The following SUPT3H variants were observed in gnomAD, a reference collection of about 807,000 sequenced individuals.
The protein encoded by SUPT3H is SPT3 homolog, SAGA and STAGA complex component, also known as transcription initiation protein SPT3 homolog.
Under a neutral mutation model 44.3 loss-of-function variants are expected in SUPT3H, and 44 were observed. That is an observed-to-expected ratio of 0.99 (90% confidence interval 0.78 to 1.28). The LOEUF is 1.28. Among genes scored for constraint, SUPT3H ranks in the 50% most tolerant of loss-of-function variants. The pLI is 0.00. For missense variants in SUPT3H, 380 were observed against 387.1 expected, an observed-to-expected ratio of 0.98 and a Z score of 0.15; for synonymous variants, 124 against 125.6, an observed-to-expected ratio of 0.99 and a Z score of 0.09.
chr6:45,347,768 A>T (rs888563306), intron 2 of SUPT3H, among the ~76,000 whole-genome samples: 2 of 150,034 alleles, frequency 1.3e-5, no homozygotes, highest in African/African-American at 4.9e-5. Context: ...CTTTTTTTTA[A>T]AAAAAAAAGA....
intron 2 of SUPT3H, among the ~76,000 whole-genome samples, chr6:45,284,051 C>A (rs988821842): frequency 6.6e-6 from 1 of 151,950 alleles, no homozygotes; most frequent in Non-Finnish European, 1.5e-5. Flanking sequence ...CCAACGAGAA[C>A]AAAGACACAA....
chr6:45,269,095 AAAAG>A (rs1159701824), intron 2 of SUPT3H, among the ~76,000 whole-genome samples: 1 of 152,222 alleles, frequency 6.6e-6, no homozygotes, highest in Non-Finnish European at 1.5e-5. Context: ...ACAGCTAGTG[AAAAG>A]AAAGAAATTT....
intron 2 of SUPT3H, among the ~76,000 whole-genome samples, chr6:45,249,375 C>T (rs995958973): frequency 6.6e-6 from 1 of 151,642 alleles, no homozygotes; most frequent in Non-Finnish European, 1.5e-5. Flanking sequence ...TTTAACTCTT[C>T]TCTGTACTAA....
chr6:45,140,254 G>A (rs925192873), intron 2 of SUPT3H, among the ~76,000 whole-genome samples: 2 of 152,034 alleles, frequency 1.3e-5, no homozygotes, highest in African/African-American at 4.8e-5. Flanking sequence ...ACCCACCTAA[G>A]CACGCCCCTA....
At chr6:45,358,382 A>T (rs1304471635) in intron 2 of SUPT3H, among the ~76,000 whole-genome samples, 5 of 152,162 alleles carry the variant, frequency 3.3e-5, no homozygotes, top group Admixed American at 1.3e-4. Flanking sequence ...CACACCGGAT[A>T]AAAAGGAACT....
At chr6:44,923,228 A>G (rs948927936) in intron 10 of SUPT3H, among the ~76,000 whole-genome samples, 8 of 152,128 alleles carry the variant, frequency 5.3e-5, no homozygotes, top group Non-Finnish European at 1.0e-4. Context: ...ACTTGGAGAA[A>G]ATACAGAGGG....
At chr6:44,862,921 TTC>T (rs1352639036) in intron 10 of SUPT3H, among the ~76,000 whole-genome samples, 1 of 152,150 alleles carries the variant, frequency 6.6e-6, no homozygotes. Flanking sequence ...GGTGTACAGC[TTC>T]TCTCTTTGAC....
intron 3 of SUPT3H, among the ~76,000 whole-genome samples, chr6:45,105,289 A>T (rs952427478): frequency 6.6e-6 from 1 of 152,152 alleles, no homozygotes; most frequent in Non-Finnish European, 1.5e-5. Flanking sequence ...GTAAAAATAA[A>T]ATCTTACAAG....
intron 11 of SUPT3H, among the ~76,000 whole-genome samples, chr6:44,818,992 C>T (rs1275353179): frequency 2.0e-5 from 3 of 152,154 alleles, no homozygotes; most frequent in South Asian, 2.1e-4. Flanking sequence ...CAAATGAACA[C>T]GTGAGTCCAC....
At chr6:45,376,438 T>C (rs1311087914) in intron 1 of SUPT3H, among the ~76,000 whole-genome samples, 1 of 152,242 alleles carries the variant, frequency 6.6e-6, no homozygotes, top group Admixed American at 6.5e-5. Context: ...AATTTATTAA[T>C]TTATGAATAA....
intron 2 of SUPT3H, among the ~76,000 whole-genome samples, chr6:45,186,601 AAAGTAGAATTAAC>A (rs1814256944): frequency 1.3e-5 from 2 of 152,218 alleles, no homozygotes; most frequent in South Asian, 4.1e-4. Flanking sequence ...TACCAGATTT[AAAGTAGAATTAAC>A]ATCTAATAAG....
chr6:45,005,700 C>CAAAA (rs67476240), intron 5 of SUPT3H, among the ~76,000 whole-genome samples: 1 of 130,958 alleles, frequency 7.6e-6, no homozygotes, highest in Non-Finnish European at 1.6e-5. Context: ...AAACTCGTCT[C>CAAAA]AAAAAAAAAA....
At chr6:45,281,442 A>T (rs1778049213) in intron 2 of SUPT3H, among the ~76,000 whole-genome samples, 1 of 152,202 alleles carries the variant, frequency 6.6e-6, no homozygotes, top group Non-Finnish European at 1.5e-5. Flanking sequence ...CCAGGAGATT[A>T]TATCCCGTGC....
intron 2 of SUPT3H, among the ~76,000 whole-genome samples, chr6:45,176,205 T>G (rs1013604480): frequency 6.6e-6 from 1 of 151,570 alleles, no homozygotes; most frequent in African/African-American, 2.4e-5. Context: ...TGGGCGCAGG[T>G]CAGTGGGTGC....
At chr6:45,111,059 G>A (rs978274168) in intron 2 of SUPT3H, among the ~76,000 whole-genome samples, 1 of 145,128 alleles carries the variant, frequency 6.9e-6, no homozygotes, top group African/African-American at 2.6e-5. Flanking sequence ...TTGAGACAGA[G>A]TCTCACTCTG....
At chr6:44,981,726 T>C (rs371359708) in intron 6 of SUPT3H, among the ~76,000 whole-genome samples, 5 of 152,162 alleles carry the variant, frequency 3.3e-5, no homozygotes, top group South Asian at 4.1e-4. Flanking sequence ...TTCTTTAATA[T>C]AGCTCTGAGA....
intron 1 of SUPT3H, among the ~76,000 whole-genome samples, chr6:45,373,613 C>T (rs1158474059): frequency 6.6e-6 from 1 of 152,010 alleles, no homozygotes; most frequent in South Asian, 2.1e-4. Context: ...GTGCAGTGCA[C>T]GATCTCGGCT....
chr6:44,997,276 CA>C (rs1468500174), intron 6 of SUPT3H, among the ~76,000 whole-genome samples: 1 of 151,760 alleles, frequency 6.6e-6, no homozygotes, highest in African/African-American at 2.4e-5. Context: ...GAGCTATTTA[CA>C]ACATTTAGTC....
rs1678383892 is a variant in SUPT3H, at chr6:45,040,218, A to G, written c.187-19586T>C. ...ATGAGCATGGCTGTGTTCTGACAAA[A>G]CTCTATTTACGAAAATAAGCAAAGG... On this transcript the variant is annotated intron_variant, in intron 3 of 10. Coordinates refer to ENST00000371459, the MANE Select transcript of SUPT3H (RefSeq NM_003599.4). 2.0e-5 allele frequency among the ~76,000 whole-genome samples: 3 copies of G among 152,062 alleles called. No individual in the cohort carries two copies. The South Asian group carries it at 6.2e-4, about 32-fold the overall frequency.
Sources: gnomAD v4.1 joint callset for allele counts (sites outside exome capture counted in the v4.1 genomes callset) on GRCh38, gnomAD v4.1.1 for gene constraint, MANE v1.5 for transcripts, NCBI Gene and HGNC (gene_info 2026-07-23, HGNC 2026-07-21) for gene names.